ALK: variants seen among roughly 807,000 people sequenced by gnomAD.
ALK encodes the protein ALK receptor tyrosine kinase.
A neutral mutation model predicts 163.1 loss-of-function variants in ALK; 74 were observed. The ratio of observed to expected loss-of-function variants is 0.45; its 90% CI spans 0.38 to 0.55. The LOEUF (loss-of-function observed/expected upper bound fraction) is 0.55, where lower values mean the gene tolerates loss of function less well. Among genes scored for constraint, ALK ranks in the 20% least tolerant of loss-of-function variants. The probability of loss-of-function intolerance (pLI) is 0.00; values close to 1 mark genes in which losing one functional copy is unlikely to be tolerated. For missense variants in ALK, 2,063 were observed against 2,105.3 expected, an observed-to-expected ratio of 0.98 and a Z score of 0.39; for synonymous variants, 960 against 843.2, an observed-to-expected ratio of 1.14 and a Z score of -2.40.
At chr2:29,514,361 G>A (rs1672604574) in intron 4 of ALK, among the ~76,000 whole-genome samples, 1 of 150,920 alleles carries the variant, frequency 6.6e-6, no homozygotes, top group African/African-American at 2.4e-5. Flanking sequence ...GGACATGGAT[G>A]AAATTGGAAA....
chr2:29,546,726 T>G (rs1206118408), intron 3 of ALK, among the ~76,000 whole-genome samples: 4 of 152,246 alleles, frequency 2.6e-5, no homozygotes, highest in Non-Finnish European at 5.9e-5. Flanking sequence ...TTTAAAATTT[T>G]TGCTAAGAGG....
At chr2:29,513,965 A>T (rs1205493856) in intron 4 of ALK, among the ~76,000 whole-genome samples, 1 of 123,090 alleles carries the variant, frequency 8.1e-6, no homozygotes, top group Non-Finnish European at 1.7e-5. Flanking sequence ...ATCTCACACC[A>T]GTTAGAATGG....
chr2:29,886,333 A>G (rs1226884153), intron 1 of ALK, among the ~76,000 whole-genome samples: 2 of 152,224 alleles, frequency 1.3e-5, no homozygotes, highest in Non-Finnish European at 2.9e-5. Context: ...TGGATTTTTG[A>G]CTGTGTAAAG....
chr2:29,823,958 C>T (rs1050558253), intron 1 of ALK, among the ~76,000 whole-genome samples: 4 of 152,214 alleles, frequency 2.6e-5, no homozygotes, highest in Non-Finnish European at 4.4e-5. Flanking sequence ...CTCCTCCCCC[C>T]ATCACAGGCC....
At chr2:29,629,037 T>G (rs1390258250) in intron 3 of ALK, among the ~76,000 whole-genome samples, 1 of 152,176 alleles carries the variant, frequency 6.6e-6, no homozygotes, top group African/African-American at 2.4e-5. Flanking sequence ...CAAAGCTATC[T>G]GCTTTCTATG....
chr2:29,347,549 C>G (rs1167593920), intron 5 of ALK, among the ~76,000 whole-genome samples: 3 of 152,170 alleles, frequency 2.0e-5, no homozygotes, highest in Non-Finnish European at 4.4e-5. Context: ...AGATTTAGCT[C>G]CAACTTTGTG....
At chr2:29,349,550 C>T (rs1668052217) in intron 5 of ALK, among the ~76,000 whole-genome samples, 1 of 152,210 alleles carries the variant, frequency 6.6e-6, no homozygotes, top group South Asian at 2.1e-4. Flanking sequence ...AACAACTCCG[C>T]TTCCAGGAAG....
At chr2:29,517,867 G>C (rs1172273073) in intron 4 of ALK, among the ~76,000 whole-genome samples, 1 of 152,138 alleles carries the variant, frequency 6.6e-6, no homozygotes, top group African/African-American at 2.4e-5. Context: ...GTGTGTGCAT[G>C]GTGTGTGACA....
At chr2:29,302,035 A>G (rs1447664127) in intron 8 of ALK, among the ~76,000 whole-genome samples, 2 of 152,266 alleles carry the variant, frequency 1.3e-5, no homozygotes, top group Non-Finnish European at 2.9e-5. Context: ...CCAGGAAGAT[A>G]GAATTTAAAT....
intron 1 of ALK, among the ~76,000 whole-genome samples, chr2:29,809,546 G>C (rs896461678): frequency 6.6e-6 from 1 of 152,206 alleles, no homozygotes; most frequent in African/African-American, 2.4e-5. Context: ...CTCCGTGAGG[G>C]AGTTTGGTTT....
intron 4 of ALK, among the ~76,000 whole-genome samples, chr2:29,493,879 T>C (rs1671961008): frequency 6.6e-6 from 1 of 152,196 alleles, no homozygotes; most frequent in African/African-American, 2.4e-5. Flanking sequence ...GCCAGGACTG[T>C]CAGGATGAAA....
intron 4 of ALK, among the ~76,000 whole-genome samples, chr2:29,409,827 C>A (rs1400652562): frequency 1.3e-5 from 2 of 152,186 alleles, no homozygotes; most frequent in Non-Finnish European, 2.9e-5. Context: ...GCTCCTTGAG[C>A]TCAGGGTTCA....
At chr2:29,407,011 T>G (rs1669601799) in intron 4 of ALK, among the ~76,000 whole-genome samples, 1 of 152,178 alleles carries the variant, frequency 6.6e-6, no homozygotes, top group African/African-American at 2.4e-5. Context: ...CACATTCTGG[T>G]TTTGTCCATG....
intron 4 of ALK, among the ~76,000 whole-genome samples, chr2:29,405,320 A>G (rs930536686): frequency 6.6e-6 from 1 of 152,228 alleles, no homozygotes; most frequent in Admixed American, 6.5e-5. Context: ...ATACAACAGC[A>G]GCTGTCTGTG....
At chr2:29,697,799 C>T (rs982931864) in intron 2 of ALK, among the ~76,000 whole-genome samples, 1 of 152,196 alleles carries the variant, frequency 6.6e-6, no homozygotes, top group East Asian at 1.9e-4. Context: ...GAGGCTACTA[C>T]TACCCCAATC....
At chr2:29,689,764 T>G (rs1028354398) in intron 3 of ALK, among the ~76,000 whole-genome samples, 1 of 152,212 alleles carries the variant, frequency 6.6e-6, no homozygotes, top group African/African-American at 2.4e-5. Context: ...AATGAGATCA[T>G]GCTGGACTTA....
chr2:29,432,737 CTTTT>C (rs796207262), intron 4 of ALK, among the ~76,000 whole-genome samples: 1 of 140,816 alleles, frequency 7.1e-6, no homozygotes. Context: ...TAGCCTTTTC[CTTTT>C]TTTTTTTTTT....
intron 5 of ALK, among the ~76,000 whole-genome samples, chr2:29,362,922 A>G (rs12714272): frequency 0.32 from 48,285 of 152,062 alleles, 8,021 homozygotes; most frequent in Middle Eastern, 0.38. Flanking sequence ...ATTGGTTCCC[A>G]TTTACATGGG....
intron 1 of ALK, among the ~76,000 whole-genome samples, chr2:29,801,694 T>G (rs998196570): frequency 2.0e-5 from 3 of 152,210 alleles, no homozygotes; most frequent in Admixed American, 2.0e-4. Flanking sequence ...AGGACAGAAA[T>G]ACAGCTCTCC....
Sources: allele counts gnomAD v4.1 joint callset (sites outside exome capture counted in the v4.1 genomes callset), GRCh38; gene constraint gnomAD v4.1.1; transcripts MANE v1.5; gene names NCBI Gene and HGNC (gene_info 2026-07-23, HGNC 2026-07-21).